The following COL8A1 variants were observed in gnomAD, a reference collection of about 807,000 sequenced individuals.
COL8A1 encodes collagen alpha-1(VIII) chain.
Under a neutral mutation model 42.7 loss-of-function variants are expected in COL8A1, and 21 were observed. The observed-to-expected ratio is 0.49, with a 90% CI of 0.35 to 0.71. The LOEUF is 0.71. Among genes scored for constraint, COL8A1 ranks in the 30% least tolerant of loss-of-function variants. COL8A1 has a pLI of 0.01. For synonymous variants in COL8A1, 367 were observed against 369.1 expected (o/e 0.99, Z 0.06); for missense variants, 788 against 962.4 (o/e 0.82, Z 2.40).
intron 1 of COL8A1, among the ~76,000 whole-genome samples, chr3:99,738,844 G>A (rs1940812893): frequency 6.6e-6 from 1 of 152,162 alleles, no homozygotes; most frequent in Admixed American, 6.5e-5. Flanking sequence ...CTTGCAGTTT[G>A]ATCTCAGACT....
chr3:99,721,220 G>A (rs1369173387), intron 1 of COL8A1, among the ~76,000 whole-genome samples: 1 of 151,954 alleles, frequency 6.6e-6, no homozygotes, highest in African/African-American at 2.4e-5. Context: ...GTTACTCAGG[G>A]AACAATTAAT....
intron 1 of COL8A1, among the ~76,000 whole-genome samples, chr3:99,702,153 C>T (rs1939559297): frequency 6.6e-6 from 1 of 152,188 alleles, no homozygotes; most frequent in Admixed American, 6.5e-5. Context: ...CTAAGCATTA[C>T]CCTCTCTAGT....
chr3:99,721,883 G>GT (rs1288383320), intron 1 of COL8A1, among the ~76,000 whole-genome samples: 1,813 of 146,020 alleles, frequency 0.012, 14 homozygotes, highest in African/African-American at 0.015. Context: ...GCAGCACTGG[G>GT]TTTTTTTTTT....
chr3:99,732,556 G>C (rs1465263050), intron 1 of COL8A1, among the ~76,000 whole-genome samples: 1 of 151,980 alleles, frequency 6.6e-6, no homozygotes, highest in Admixed American at 6.6e-5. Flanking sequence ...ACAGCATAAG[G>C]GTAACCACCC....
intron 1 of COL8A1, among the ~76,000 whole-genome samples, chr3:99,677,428 T>C (rs13095226): frequency 0.095 from 14,499 of 152,142 alleles, 858 homozygotes; most frequent in Middle Eastern, 0.12. Context: ...AGGAATGGCC[T>C]TCAGGAAACT....
At chr3:99,757,301 C>G (rs1941272473) in intron 2 of COL8A1, among the ~76,000 whole-genome samples, 2 of 152,090 alleles carry the variant, frequency 1.3e-5, no homozygotes, top group East Asian at 3.8e-4. Flanking sequence ...CCTCGGGGTG[C>G]AACTCTTGTC....
At chr3:99,743,774 T>A (rs1484207661) in intron 1 of COL8A1, among the ~76,000 whole-genome samples, 1 of 152,226 alleles carries the variant, frequency 6.6e-6, no homozygotes, top group Non-Finnish European at 1.5e-5. Context: ...ACAGTACTAC[T>A]CTAGAATATA....
chr3:99,727,926 T>C (rs1462138359), intron 1 of COL8A1, among the ~76,000 whole-genome samples: 1 of 151,634 alleles, frequency 6.6e-6, no homozygotes, highest in Admixed American at 6.6e-5. Flanking sequence ...AAAAGGCCTT[T>C]GACAAAATTC....
intron 3 of COL8A1, among the ~76,000 whole-genome samples, chr3:99,792,389 A>G (rs1261949073): frequency 3.3e-5 from 5 of 152,168 alleles, no homozygotes; most frequent in Non-Finnish European, 7.3e-5. Context: ...CTAGTGACAT[A>G]AGTATTATGC....
chr3:99,760,581 C>A (rs2107424664), intron 2 of COL8A1, among the ~76,000 whole-genome samples: 1 of 152,226 alleles, frequency 6.6e-6, no homozygotes, highest in East Asian at 1.9e-4. Context: ...AATTCTATGT[C>A]CACAACCCAA....
At chr3:99,695,269 C>G (rs1285241329) in intron 1 of COL8A1, among the ~76,000 whole-genome samples, 2 of 151,724 alleles carry the variant, frequency 1.3e-5, no homozygotes, top group Non-Finnish European at 2.9e-5. Context: ...CATAGTAGTC[C>G]CCACAAAACA....
chr3:99,772,755 A>G (rs1941604937), intron 2 of COL8A1, among the ~76,000 whole-genome samples: 2 of 152,160 alleles, frequency 1.3e-5, no homozygotes, highest in Admixed American at 1.3e-4. Flanking sequence ...ATGCCAAAGG[A>G]TCCAGGGCTC....
At chr3:99,793,212 C>A (rs1406834132) in intron 3 of COL8A1, among the ~76,000 whole-genome samples, 1 of 152,028 alleles carries the variant, frequency 6.6e-6, no homozygotes, top group Non-Finnish European at 1.5e-5. Context: ...ATATCTATTG[C>A]ATAGAATAGC....
intron 1 of COL8A1, among the ~76,000 whole-genome samples, chr3:99,728,690 CA>C (rs1351432103): frequency 7.2e-5 from 11 of 151,764 alleles, no homozygotes; most frequent in Admixed American, 6.6e-5. Flanking sequence ...TTTAATTAAT[CA>C]ATTATTCAAT....
At chr3:99,643,151 C>G (rs1254656378) in intron 1 of COL8A1, among the ~76,000 whole-genome samples, 1 of 152,148 alleles carries the variant, frequency 6.6e-6, no homozygotes, top group Non-Finnish European at 1.5e-5. Flanking sequence ...TTTCTCCAGC[C>G]AGTGCTTAAT....
At chr3:99,721,287 CG>C (rs1287267224) in intron 1 of COL8A1, among the ~76,000 whole-genome samples, 5 of 148,626 alleles carry the variant, frequency 3.4e-5, no homozygotes, top group African/African-American at 9.9e-5. Flanking sequence ...AAAATGTCAG[CG>C]GATGGCTCAG....
intron 1 of COL8A1, among the ~76,000 whole-genome samples, chr3:99,646,277 C>A (rs1188772772): frequency 6.6e-6 from 1 of 152,124 alleles, no homozygotes; most frequent in Non-Finnish European, 1.5e-5. Flanking sequence ...TTATGACATT[C>A]ACAGCAAAAC....
intron 1 of COL8A1, among the ~76,000 whole-genome samples, chr3:99,722,836 A>T (rs79682459): frequency 6.6e-6 from 1 of 152,102 alleles, no homozygotes; most frequent in African/African-American, 2.4e-5. Context: ...CAACATTCTT[A>T]TAGACTATTA....
chr3:99,717,156 G>A (rs957013035), intron 1 of COL8A1, among the ~76,000 whole-genome samples: 4 of 151,880 alleles, frequency 2.6e-5, no homozygotes, highest in African/African-American at 9.7e-5. Flanking sequence ...TCTCTGTTTT[G>A]TGCTATATAT....
Sources: allele counts gnomAD v4.1 joint callset (sites outside exome capture counted in the v4.1 genomes callset), GRCh38; gene constraint gnomAD v4.1.1; transcripts MANE v1.5; gene names NCBI Gene and HGNC (gene_info 2026-07-23, HGNC 2026-07-21).